PALS1: variants seen among roughly 807,000 people sequenced by gnomAD.
PALS1 encodes protein associated with LIN7 1, MAGUK p55 family member, also known as protein PALS1.
Under a neutral mutation model 78.9 loss-of-function variants are expected in PALS1, and 31 were observed. That is an observed-to-expected ratio of 0.39 (90% CI 0.30 to 0.53). The LOEUF (loss-of-function observed/expected upper bound fraction) is 0.53. Ranked by LOEUF, PALS1 falls within the 20% of genes least tolerant of loss-of-function variation. The probability of loss-of-function intolerance (pLI) is 0.67; values close to 1 mark genes in which losing one functional copy is unlikely to be tolerated. For missense variants in PALS1, 704 were observed against 826.5 expected (o/e 0.85, Z 1.82); for synonymous variants, 276 against 270.9 (o/e 1.02, Z -0.18).
intron 14 of PALS1, among the ~76,000 whole-genome samples, chr14:67,327,882 C>T (rs1473312899): frequency 6.6e-6 from 1 of 152,158 alleles, no homozygotes; most frequent in Admixed American, 6.5e-5. Context: ...TTAATCCAGT[C>T]TATCATTGAT....
Position 67,302,459 on chromosome 14 carries a change from TA to T in PALS1, c.855del (p.Gly287ValfsTer16). On this transcript the variant is annotated frameshift_variant, in exon 7 of 15. Transcript: ENST00000261681. LOFTEE classifies it high-confidence loss of function. The part of the protein sequence containing the change: ...EMDSVIISRI[V>X]KGGAAEKSGL... Reference sequence around the variant, plus strand: ...GACTCTGTCATCATTAGCCGGATAGTAAAAGGGGGTGCTGCAGAGAAAAGTG... The same window carrying T: ...GACTCTGTCATCATTAGCCGGATAGTAAAGGGGGTGCTGCAGAGAAAAGTG... 1 of 1,599,622 alleles carries T rather than the reference TA, an allele frequency of 6.3e-7. No homozygotes were observed. The highest frequency in any genetic ancestry group is 8.5e-7 in the Non-Finnish European group (1 of 1,172,638).
intron 3 of PALS1, among the ~76,000 whole-genome samples, chr14:67,284,547 T>TA (rs36207191): frequency 0.023 from 529 of 23,286 alleles, 165 homozygotes; most frequent in Non-Finnish European, 0.036. Flanking sequence ...GCTGCAGTGC[T>TA]AAAAAAAAAA....
At chr14:67,291,759 G>T (rs1473099441) in intron 3 of PALS1, among the ~76,000 whole-genome samples, 2 of 152,154 alleles carry the variant, frequency 1.3e-5, no homozygotes, top group African/African-American at 4.8e-5. Flanking sequence ...CCTGGTAATT[G>T]TGAATAAACC....
intron 2 of PALS1, among the ~76,000 whole-genome samples, chr14:67,275,908 A>G (rs1428615874): frequency 6.6e-6 from 1 of 152,162 alleles, no homozygotes; most frequent in African/African-American, 2.4e-5. Context: ...TTATTTGCGT[A>G]GAGGTGTTTA....
intron 1 of PALS1, among the ~76,000 whole-genome samples, chr14:67,250,614 G>A (rs10459531): frequency 0.15 from 23,555 of 152,136 alleles, 3,448 homozygotes; most frequent in East Asian, 0.42. Flanking sequence ...CATACAATAT[G>A]CAGGGATTCA....
chr14:67,323,865 C>T (rs185046504), intron 14 of PALS1, 53 bp downstream of exon 14: 6 of 930,740 alleles, frequency 6.4e-6, no homozygotes, highest in East Asian at 2.9e-5. Flanking sequence ...ATGAAACAGT[C>T]CTGGTCTAAT....
chr14:67,303,503 C>A lies in PALS1; in HGVS notation c.964-19C>A. 2 of 1,585,256 alleles carry A rather than the reference C, an allele frequency of 1.3e-6. No individual in the cohort carries two copies. Among genetic ancestry groups the A allele is most frequent in the Non-Finnish European group, 1.7e-6 (2 of 1,154,196 alleles). ...TCATAAATGCAAATTTAAAAAATAA[C>A]CTGATCTTTCTATTACAGTCTGATA... On this transcript the variant is annotated intron_variant, in intron 7 of 14. Transcript: ENST00000261681.
intron 13 of PALS1, among the ~76,000 whole-genome samples, chr14:67,321,619 T>G (rs931570923): frequency 3.7e-4 from 57 of 152,182 alleles, no homozygotes; most frequent in African/African-American, 1.3e-3. Context: ...TATATACACC[T>G]TATTTACTTA....
intron 1 of PALS1, among the ~76,000 whole-genome samples, chr14:67,250,842 A>G (rs201003767): frequency 1.3e-5 from 2 of 152,236 alleles, no homozygotes; most frequent in African/African-American, 2.4e-5. Flanking sequence ...CTTAAAATTT[A>G]TAGCAAGATT....
At chr14:67,272,169 A>T (rs907341527) in intron 2 of PALS1, 13 of 152,248 alleles carry the variant, frequency 8.5e-5, no homozygotes, top group African/African-American at 2.9e-4. Context: ...ATCTTTGATG[A>T]TTCTCTTATT....
At chr14:67,322,960 G>A (rs958934016) in intron 13 of PALS1, among the ~76,000 whole-genome samples, 1 of 152,150 alleles carries the variant, frequency 6.6e-6, no homozygotes, top group Non-Finnish European at 1.5e-5. Flanking sequence ...TCTTGCACAT[G>A]TGAAGTTATG....
At chr14:67,323,006 TAGTA>T in intron 13 of PALS1, among the ~76,000 whole-genome samples, 1 of 152,186 alleles carries the variant, frequency 6.6e-6, no homozygotes, top group East Asian at 1.9e-4. Flanking sequence ...GTCTGGCACA[TAGTA>T]AGGCAACTTG....
At chr14:67,254,006 T>A (rs2084104558) in intron 1 of PALS1, among the ~76,000 whole-genome samples, 1 of 148,078 alleles carries the variant, frequency 6.8e-6, no homozygotes, top group African/African-American at 2.6e-5. Context: ...TTTCATGTCT[T>A]TTTTGGGCCT....
chr14:67,278,060 G>A (rs972073907), intron 2 of PALS1, among the ~76,000 whole-genome samples: 24 of 138,180 alleles, frequency 1.7e-4, no homozygotes, highest in African/African-American at 6.0e-4. Flanking sequence ...TTTTTGAGAT[G>A]GAGTCTCGCT....
chr14:67,317,357 G>T, intron 10 of PALS1, 51 bp from the exon 11 acceptor site: 1 of 1,425,526 alleles, frequency 7.0e-7, no homozygotes, highest in East Asian at 2.3e-5. Flanking sequence ...TGAGTTATGT[G>T]GTTTTGTTCA....
chr14:67,262,792 C>G (rs993030814), intron 1 of PALS1, among the ~76,000 whole-genome samples: 4 of 152,114 alleles, frequency 2.6e-5, no homozygotes, highest in Non-Finnish European at 5.9e-5. Flanking sequence ...TACGGTGGCT[C>G]TGTTTGTTAA....
chr14:67,320,375 C>T lies in PALS1; in HGVS notation c.1515C>T (p.Asp505=), dbSNP rs2085244907. 7 of 1,607,080 alleles carry T rather than the reference C, an allele frequency of 4.4e-6. No homozygotes were observed. In the East Asian group the frequency reaches 1.1e-4, roughly 26 times the overall value. ...AGAGGCTCATGAACAAAGAAAAGGA[C>T]CGCTTTGCATCTGCAGTTCCTCGTA... ...LRQRLMNKEK[D]RFASAVPHTT... is the part of the protein sequence containing the mutation. The change falls in exon 12 of 15, where the codon GAC becomes GAT. Residue 505 remains aspartate (D), a synonymous_variant. Coordinates refer to ENST00000261681, the MANE Select transcript of PALS1 (RefSeq NM_022474.4).
At chr14:67,274,370 T>G (rs2084463309) in intron 2 of PALS1, among the ~76,000 whole-genome samples, 1 of 152,238 alleles carries the variant, frequency 6.6e-6, no homozygotes, top group African/African-American at 2.4e-5. Context: ...CACCATTTAT[T>G]AAATAGGGCA....
At chr14:67,316,307 G>T (rs2085174537) in intron 9 of PALS1, among the ~76,000 whole-genome samples, 1 of 152,050 alleles carries the variant, frequency 6.6e-6, no homozygotes, top group Non-Finnish European at 1.5e-5. Context: ...GGTAACTTAA[G>T]GGTGGAAATA....
Sources: gnomAD v4.1 joint callset for allele counts (sites outside exome capture counted in the v4.1 genomes callset) on GRCh38, gnomAD v4.1.1 for gene constraint, MANE v1.5 for transcripts, NCBI Gene and HGNC (gene_info 2026-07-23, HGNC 2026-07-21) for gene names.